SETX: variants seen among roughly 807,000 people sequenced by gnomAD.
The protein encoded by SETX is senataxin, also known as helicase senataxin.
Under a neutral mutation model 227.2 loss-of-function variants are expected in SETX, and 90 were observed. The ratio of observed to expected loss-of-function variants is 0.40; its 90% confidence interval spans 0.33 to 0.47. SETX has a LOEUF of 0.47. Ranked by LOEUF, SETX falls within the 20% of genes least tolerant of loss-of-function variation. SETX has a pLI of 0.91. For missense variants in SETX, 3,052 were observed against 3,181.5 expected, an observed-to-expected ratio of 0.96 and a Z score of 0.98; for synonymous variants, 1,210 against 1,113.2, an observed-to-expected ratio of 1.09 and a Z score of -1.73.
intron 13 of SETX, 88 bp downstream of exon 13, chr9:132,297,992 T>C: frequency 8.8e-7 from 1 of 1,140,438 alleles, no homozygotes; most frequent in East Asian, 2.4e-5. Context: ...ATTTTTGTTG[T>C]AAACATATAG....
intron 22 of SETX, among the ~76,000 whole-genome samples, chr9:132,275,873 C>T (rs963794201): frequency 6.6e-6 from 1 of 152,168 alleles, no homozygotes; most frequent in African/African-American, 2.4e-5. Context: ...TCACCACTGG[C>T]TGCATACAAC....
At position 132,346,395 on chromosome 9, in the gene SETX, T is replaced by A; in HGVS notation, c.254A>T (p.Asp85Val). 1 of 1,613,828 alleles carries A rather than the reference T, an allele frequency of 6.2e-7. No individual in the cohort carries two copies. The highest frequency in any genetic ancestry group is 8.5e-7 in the Non-Finnish European group (1 of 1,179,766). ...ATTATTGTCTACTATATATAACTCA[T>A]CATCATCTCCAATTTCTGCCTTCAT... ...KSMKAEIGDD[D>V]ELYIVDNNGE... Residue 85 changes from aspartate (D) to valine (V), a missense_variant, in exon 4 of 26, where the codon GAT becomes GTT. Asp to Val is a radical substitution (Grantham distance 152). Transcript: ENST00000224140.
chr9:132,275,849 A>G (rs777298440), intron 22 of SETX, among the ~76,000 whole-genome samples: 1 of 152,162 alleles, frequency 6.6e-6, no homozygotes, highest in Non-Finnish European at 1.5e-5. Flanking sequence ...TACATGTATG[A>G]TCTTCCTTGT....
intron 12 of SETX, 60 bp from the exon 13 acceptor site, chr9:132,298,372 T>A: frequency 7.6e-7 from 1 of 1,315,684 alleles, no homozygotes; most frequent in Non-Finnish European, 1.1e-6. Context: ...TGCCTAGTTG[T>A]AAAGGTCATG....
At chr9:132,354,502 A>C (rs1848787240) in intron 1 of SETX, among the ~76,000 whole-genome samples, 1 of 151,314 alleles carries the variant, frequency 6.6e-6, no homozygotes, top group Non-Finnish European at 1.5e-5. Context: ...TCTCAAAAAA[A>C]AAAAAAAAAG....
Position 132,334,621 on chromosome 9 carries a change from C to T in SETX, c.825G>A (p.Glu275=), listed in dbSNP as rs1847473713. The T allele has an allele frequency of 6.2e-7, 1 of 1,613,958 alleles. No homozygotes were observed. Among genetic ancestry groups the T allele is most frequent in the African/African-American group, 1.3e-5 (1 of 74,926 alleles). Residue 275 remains glutamate (E), a synonymous_variant, in exon 7 of 26, where the codon GAG becomes GAA. Transcript: ENST00000224140. The part of the protein sequence containing the change: ...DFMQSILHTM[E]READDDSVDP... ...AAAGTTTATTACCATCTGCTTCCCT[C>T]TCCATAGTGTGAAGTATCGATTGCA...
chr9:132,280,056 C>T (rs987284633), intron 20 of SETX, among the ~76,000 whole-genome samples: 2 of 152,150 alleles, frequency 1.3e-5, no homozygotes, highest in African/African-American at 4.8e-5. Context: ...CTGTCATAAC[C>T]CCAGCCCCTA....
chr9:132,283,343 C>T lies in SETX; in HGVS notation c.6467G>A (p.Ser2156Asn), dbSNP rs1259726268. The T allele has an allele frequency of 6.2e-7, 1 of 1,614,160 alleles. No homozygotes were observed. Among genetic ancestry groups the T allele is most frequent in the Non-Finnish European group, 8.5e-7 (1 of 1,180,028 alleles). Residue 2156 changes from serine (S) to asparagine (N), a missense_variant, in exon 19 of 26, where the codon AGC (serine) becomes AAC (asparagine). This residue lies in a region of SETX where 412 missense variants were observed against 589.0 expected (regional missense o/e 0.70). Coordinates refer to ENST00000224140, the MANE Select transcript of SETX (RefSeq NM_015046.7). ...LESHIICCTL[S>N]TSGGLLLESA... Reference sequence around the variant, plus strand: ...CTCAAGTAGTAAACCACCACTTGTGCTCAACGTGCAGCAGATGATATGGGA... The same window carrying T: ...CTCAAGTAGTAAACCACCACTTGTGTTCAACGTGCAGCAGATGATATGGGA...
Position 132,329,032 on chromosome 9 carries a change from G to T in SETX, c.2566C>A (p.Gln856Lys). The change falls in exon 10 of 26, where the codon CAA becomes AAA. Residue 856 changes from glutamine (Q) to lysine (K), a missense_variant. Physicochemically the swap from Gln to Lys is moderately conservative, Grantham distance 53. Coordinates refer to ENST00000224140, the MANE Select transcript of SETX (RefSeq NM_015046.7). ...GGCAATACATTGTTTTGAGATTTTTGTTCTCCATTCTTATCATCCAGAACA... is the reference window on the plus strand; with the variant it reads ...GGCAATACATTGTTTTGAGATTTTTTTTCTCCATTCTTATCATCCAGAACA... ...SGVLDDKNGE[Q>K]KSQNNVLPKE... 6.2e-7 allele frequency: 1 copy of T among 1,607,528 alleles called. No homozygotes were observed. The highest frequency in any genetic ancestry group is 8.5e-7 in the Non-Finnish European group (1 of 1,177,754).
intron 6 of SETX, 65 bp from the exon 7 acceptor site, chr9:132,334,792 T>C (rs565735333): frequency 9.5e-5 from 148 of 1,565,564 alleles, no homozygotes; most frequent in Admixed American, 6.7e-4. Context: ...CTGGTTTAGT[T>C]TGCAAAAGAA....
At chr9:132,271,425 C>T (rs781638099) in intron 24 of SETX, among the ~76,000 whole-genome samples, 2 of 152,084 alleles carry the variant, frequency 1.3e-5, no homozygotes, top group African/African-American at 2.4e-5. Context: ...ATTAGCTGGG[C>T]GTGGTAGCAC....
Position 132,264,569 on chromosome 9 carries a change from T to C in SETX, c.7704A>G (p.Ala2568=). The part of the protein sequence containing the change: ...PQPSSPQHPG[A]TPPTGEPGFP... Reference sequence around the variant, plus strand: ...AGCCCGGCTCGCCCGTAGGAGGTGTTGCTCCAGGATGCTGGGGGCTCGAGG... The same window carrying C: ...AGCCCGGCTCGCCCGTAGGAGGTGTCGCTCCAGGATGCTGGGGGCTCGAGG... The change falls in exon 26 of 26, where the codon GCA becomes GCG. Residue 2568 remains alanine, a synonymous_variant. Coordinates refer to ENST00000224140, the MANE Select transcript of SETX (RefSeq NM_015046.7). The C allele has an allele frequency of 6.2e-7, 1 of 1,614,152 alleles. No individual in the cohort carries two copies.
intron 11 of SETX, among the ~76,000 whole-genome samples, chr9:132,301,153 C>T (rs1316593261): frequency 7.2e-6 from 1 of 139,800 alleles, no homozygotes; most frequent in African/African-American, 2.7e-5. Flanking sequence ...AGTGCAGTGG[C>T]GCGATCTCGG....
At chr9:132,313,790 T>G (rs1465968315) in intron 10 of SETX, among the ~76,000 whole-genome samples, 2 of 151,722 alleles carry the variant, frequency 1.3e-5, no homozygotes, top group Non-Finnish European at 2.9e-5. Context: ...TGCAGATGGT[T>G]AGAAAACATA....
chr9:132,295,284 G>C (rs1460782332), intron 15 of SETX, among the ~76,000 whole-genome samples: 1 of 152,164 alleles, frequency 6.6e-6, no homozygotes, highest in Non-Finnish European at 1.5e-5. Context: ...TTAACACCAA[G>C]TTCATGGGAT....
At chr9:132,285,806 G>A (rs1458384555) in intron 18 of SETX, among the ~76,000 whole-genome samples, 1 of 150,448 alleles carries the variant, frequency 6.6e-6, no homozygotes, top group Non-Finnish European at 1.5e-5. Flanking sequence ...CTTGAACCTG[G>A]GAGGCAGAGG....
chr9:132,344,588 T>C (rs1195993668), intron 4 of SETX, among the ~76,000 whole-genome samples: 4 of 152,100 alleles, frequency 2.6e-5, no homozygotes, highest in African/African-American at 9.7e-5. Flanking sequence ...AGTATCGTTA[T>C]TTTGGGCCAG....
intron 17 of SETX, among the ~76,000 whole-genome samples, chr9:132,287,992 T>C (rs554574093): frequency 3.9e-4 from 60 of 152,262 alleles, no homozygotes; most frequent in South Asian, 2.1e-3. Context: ...CTGGCCAACA[T>C]GGTGAAACCC....
rs1339485543 is a variant in SETX, at chr9:132,342,714, C to G, written c.474G>C (p.Leu158Phe). Reference protein sequence around the residue: ...QVFDKHPGIYLFLVHPNEMVR... With the variant: ...QVFDKHPGIYFFLVHPNEMVR... ...CCATTTCATTGGGATGGACTAAAAA[C>G]AAATAGATCCCTGGATGTTTATCAA... is the stretch of plus-strand genomic sequence containing the variant. Residue 158 changes from leucine to phenylalanine, a missense_variant, in exon 5 of 26, where the codon TTG (leucine) becomes TTC (phenylalanine). By Grantham distance (22) the Leu-to-Phe change is conservative. Transcript: ENST00000224140. 1 of 1,613,614 alleles carries G rather than the reference C, an allele frequency of 6.2e-7. No individual in the cohort carries two copies. The highest frequency in any genetic ancestry group is 1.3e-5 in the African/African-American group (1 of 74,896).
Sources: gnomAD v4.1 joint callset for allele counts (sites outside exome capture counted in the v4.1 genomes callset) on GRCh38, gnomAD v4.1.1 for gene constraint, gnomAD v4.1.1 regional missense constraint, MANE v1.5 for transcripts, NCBI Gene and HGNC (gene_info 2026-07-23, HGNC 2026-07-21) for gene names.